The following THOC5 variants were observed in gnomAD, a reference collection of about 807,000 sequenced individuals.
THOC5 encodes the protein THO complex subunit 5, also known as Fms-interacting protein.
THOC5 carries 43 observed loss-of-function variants against 92.9 expected under a neutral mutation model. The ratio of observed to expected loss-of-function variants is 0.46; its 90% confidence interval spans 0.36 to 0.60. The LOEUF is 0.60. Among genes scored for constraint, THOC5 ranks in the 20% least tolerant of loss-of-function variants. The probability of loss-of-function intolerance (pLI) is 0.00; values close to 1 mark genes in which losing one functional copy is unlikely to be tolerated. For synonymous variants in THOC5, 296 were observed against 320.1 expected, an observed-to-expected ratio of 0.92 and a Z score of 0.80; for missense variants, 659 against 849.4, an observed-to-expected ratio of 0.78 and a Z score of 2.79.
chr22:29,511,486 T>G, intron 18 of THOC5, 190 bp from the exon 19 acceptor site: 1 of 585,002 alleles, frequency 1.7e-6, no homozygotes, highest in Non-Finnish European at 3.0e-6. Flanking sequence ...GAGGTCTTCC[T>G]GATTCTGACC....
chr22:29,516,960 G>T, intron 17 of THOC5, 69 bp downstream of exon 17: 1 of 1,496,148 alleles, frequency 6.7e-7, no homozygotes. Flanking sequence ...GCTTTGGGCA[G>T]CCCCGGAGAG....
rs1458350339 is a variant in THOC5 at position 29,552,573 on chromosome 22, G to C, written c.-12+1098C>G. ...GGCCAGCCGCCCCGTCCGGGGGGGAGGTGGGGGCCAGCCCCAGCCCGGCCA... is the reference window on the plus strand; with the variant it reads ...GGCCAGCCGCCCCGTCCGGGGGGGACGTGGGGGCCAGCCCCAGCCCGGCCA... On this transcript the variant is annotated intron_variant, in intron 1 of 19. Transcript: ENST00000490103. 5.3e-5 allele frequency among the ~76,000 whole-genome samples: 8 copies of C among 150,902 alleles called. No individual in the cohort carries two copies. In the East Asian group the frequency reaches 1.6e-3, roughly 30 times the overall value.
intron 12 of THOC5, among the ~76,000 whole-genome samples, chr22:29,523,446 C>T (rs1246720485): frequency 6.6e-6 from 1 of 152,040 alleles, no homozygotes; most frequent in Non-Finnish European, 1.5e-5. Context: ...CACCCCACCA[C>T]CACAAAAAAA....
intron 1 of THOC5, among the ~76,000 whole-genome samples, chr22:29,549,889 A>G (rs2064106859): frequency 6.6e-6 from 1 of 151,960 alleles, no homozygotes. Flanking sequence ...AGACTAAGCA[A>G]TGCTCATCTG....
At chr22:29,511,060 C>G in intron 19 of THOC5, 46 bp downstream of exon 19, 6 of 1,583,642 alleles carry the variant, frequency 3.8e-6, no homozygotes, top group Non-Finnish European at 5.2e-6. Flanking sequence ...TGATCTCTGT[C>G]CCACATCACC....
intron 8 of THOC5, 68 bp downstream of exon 8, chr22:29,531,763 C>T: frequency 6.4e-7 from 1 of 1,569,958 alleles, no homozygotes. Context: ...GTACTGCTTC[C>T]AACTGATTCA....
intron 17 of THOC5, among the ~76,000 whole-genome samples, chr22:29,514,490 G>T (rs920399675): frequency 6.7e-6 from 1 of 148,982 alleles, no homozygotes; most frequent in Non-Finnish European, 1.5e-5. Flanking sequence ...CTAATTTTTT[G>T]TATTTTTAGT....
chr22:29,517,175 C>T (rs976549623), intron 16 of THOC5, 59 bp from the exon 17 acceptor site: 2 of 1,609,526 alleles, frequency 1.2e-6, no homozygotes, highest in Non-Finnish European at 8.5e-7. Context: ...AAACCCCCTG[C>T]TCTTCCAGTG....
chr22:29,516,441 A>G (rs4608625), intron 17 of THOC5, among the ~76,000 whole-genome samples: 30,202 of 152,210 alleles, frequency 0.2, 3,348 homozygotes, highest in East Asian at 0.43. Flanking sequence ...CCAAGTCTTG[A>G]GGGTGTCAGA....
intron 12 of THOC5, among the ~76,000 whole-genome samples, chr22:29,523,122 A>G (rs1305961069): frequency 1.3e-5 from 2 of 148,212 alleles, no homozygotes; most frequent in South Asian, 2.2e-4. Flanking sequence ...CATGCCTGTA[A>G]TCCCAGCTAC....
At chr22:29,530,675 T>A (rs1054830575) in intron 8 of THOC5, among the ~76,000 whole-genome samples, 1 of 152,190 alleles carries the variant, frequency 6.6e-6, no homozygotes, top group African/African-American at 2.4e-5. Context: ...CAACTTAAGC[T>A]TGGCCTCTCC....
At chr22:29,541,118 G>T (rs985941693) in intron 5 of THOC5, among the ~76,000 whole-genome samples, 1 of 151,886 alleles carries the variant, frequency 6.6e-6, no homozygotes, top group Non-Finnish European at 1.5e-5. Context: ...CCAGGAGGCA[G>T]AGGTTGCAAT....
chr22:29,539,374 C>T lies in THOC5; in HGVS notation c.555G>A (p.Gln185=), dbSNP rs2063831963. 4.3e-6 allele frequency: 7 copies of T among 1,614,046 alleles called. No individual in the cohort carries two copies. Among genetic ancestry groups the T allele is most frequent in the Non-Finnish European group, 5.9e-6 (7 of 1,179,934 alleles). ...CCCAGTCCAGACGTGCCAGTGTTTG[C>T]TGGTGAGGGTCTCCCATGGTGACTT... ...KAEVTMGDPH[Q]QTLARLDWEL... is the part of the protein sequence containing the mutation. The change falls in exon 6 of 20, where the codon CAG becomes CAA. Residue 185 remains glutamine, a synonymous_variant. Transcript: ENST00000490103.
chr22:29,547,294 G>A (rs1300892016), intron 2 of THOC5, among the ~76,000 whole-genome samples: 3 of 152,058 alleles, frequency 2.0e-5, no homozygotes, highest in Non-Finnish European at 4.4e-5. Flanking sequence ...CTTTGCTGCA[G>A]TTTCCAATAA....
chr22:29,550,761 CATT>C (rs2064126196), intron 1 of THOC5: 1 of 152,198 alleles, frequency 6.6e-6, no homozygotes, highest in Non-Finnish European at 1.5e-5. Flanking sequence ...ACACAGGAGG[CATT>C]CCACTGGGGA....
chr22:29,532,931 T>C (rs550782897), intron 7 of THOC5, among the ~76,000 whole-genome samples: 10 of 152,248 alleles, frequency 6.6e-5, no homozygotes, highest in Admixed American at 3.3e-4. Flanking sequence ...TGAGCCAAGA[T>C]TGTACCACTG....
chr22:29,544,691 G>A (rs1434547847), intron 2 of THOC5, 88 bp from the exon 3 acceptor site: 2 of 1,303,432 alleles, frequency 1.5e-6, no homozygotes, highest in Non-Finnish European at 2.1e-6. Flanking sequence ...TCTCCTTTTA[G>A]ATAAAAACAG....
chr22:29,517,004 C>T lies in THOC5; in HGVS notation c.1681+25G>A, dbSNP rs2074950. 32,996 of 1,612,382 alleles carry T rather than the reference C, an allele frequency of 0.02. 3,727 individuals are homozygous for T. The East Asian group carries it at 0.38, about 19-fold the overall frequency. ...TCTTGGCAGCGCCCTTTGTCTAGAA[C>T]CCCTGTAATCAGCAGAGCAATTACC... On this transcript the variant is annotated intron_variant, in intron 17 of 19. Coordinates refer to ENST00000490103, the MANE Select transcript of THOC5 (RefSeq NM_003678.5).
rs1342788211 is a variant in THOC5 at position 29,521,328 on chromosome 22, A to C, written c.1176-229T>G. 2.6e-5 allele frequency among the ~76,000 whole-genome samples: 4 copies of C among 152,338 alleles called. No individual in the cohort carries two copies. The East Asian group carries it at 5.8e-4, about 22-fold the overall frequency. On this transcript the variant is annotated intron_variant, in intron 12 of 19. Transcript: ENST00000490103. The stretch of plus-strand genomic sequence containing the variant: ...TTATAGAGGAAAAACTCAAGGCTTT[A>C]AAAGATATGGCTTATTCAAGATCAC...
Sources: gnomAD v4.1 joint callset for allele counts (sites outside exome capture counted in the v4.1 genomes callset) on GRCh38, gnomAD v4.1.1 for gene constraint, MANE v1.5 for transcripts, NCBI Gene and HGNC (gene_info 2026-07-23, HGNC 2026-07-21) for gene names.